The following FRAS1 variants were observed in gnomAD, a reference collection of about 807,000 sequenced individuals.
The protein encoded by FRAS1 is Fraser extracellular matrix complex subunit 1.
In FRAS1, 290 loss-of-function variants were observed where a neutral mutation model predicts 435.2. The observed-to-expected ratio is 0.67, with a 90% CI of 0.61 to 0.73. The LOEUF (loss-of-function observed/expected upper bound fraction) is 0.73, where lower values mean the gene tolerates loss of function less well. FRAS1 is among the 30% of genes least tolerant of loss of function. The pLI, the probability that FRAS1 is intolerant of heterozygous loss-of-function variation, is 0.00. For missense variants in FRAS1, 4,860 were observed against 5,001.5 expected, an observed-to-expected ratio of 0.97 and a Z score of 0.85; for synonymous variants, 1,800 against 1,851.0, an observed-to-expected ratio of 0.97 and a Z score of 0.71.
At chr4:78,528,093 T>C (rs1250770812) in intron 70 of FRAS1, among the ~76,000 whole-genome samples, 1 of 152,118 alleles carries the variant, frequency 6.6e-6, no homozygotes, top group Non-Finnish European at 1.5e-5. Context: ...CTATTCTCGC[T>C]GTGAAATGAA....
chr4:78,482,631 A>G (rs575052809), intron 58 of FRAS1, 96 bp downstream of exon 58: 2 of 1,305,304 alleles, frequency 1.5e-6, no homozygotes, highest in African/African-American at 1.5e-5. Flanking sequence ...TCACATTTTC[A>G]TTCAAGAAAT....
At chr4:78,465,114 C>T (rs750560535) in intron 49 of FRAS1, among the ~76,000 whole-genome samples, 1 of 152,186 alleles carries the variant, frequency 6.6e-6, no homozygotes, top group Admixed American at 6.5e-5. Context: ...TCTGACATGA[C>T]TTAGCTCACA....
chr4:78,462,488 A>T (rs1719400955), intron 47 of FRAS1, among the ~76,000 whole-genome samples: 1 of 152,188 alleles, frequency 6.6e-6, no homozygotes, highest in African/African-American at 2.4e-5. Context: ...AATCAATCTC[A>T]AGAGGAAGGC....
chr4:78,484,375 C>T (rs545782241), intron 58 of FRAS1, among the ~76,000 whole-genome samples: 2 of 152,236 alleles, frequency 1.3e-5, no homozygotes, highest in East Asian at 3.9e-4. Context: ...AGATTCTGGA[C>T]AGAGATTTAT....
At chr4:78,274,558 T>C (rs1726895844) in intron 9 of FRAS1, among the ~76,000 whole-genome samples, 1 of 152,236 alleles carries the variant, frequency 6.6e-6, no homozygotes, top group Non-Finnish European at 1.5e-5. Context: ...ATTTCTGCCT[T>C]CATTTTGTTA....
chr4:78,123,215 A>G (rs1357972427), intron 2 of FRAS1, among the ~76,000 whole-genome samples: 1 of 152,158 alleles, frequency 6.6e-6, no homozygotes, highest in Non-Finnish European at 1.5e-5. Context: ...TTTTCCCAGC[A>G]CCATGTATTA....
At chr4:78,530,611 C>T (rs191479208) in intron 70 of FRAS1, among the ~76,000 whole-genome samples, 1 of 152,166 alleles carries the variant, frequency 6.6e-6, no homozygotes, top group Admixed American at 6.5e-5. Flanking sequence ...GACTCCATTG[C>T]TTGTTTTTAT....
At chr4:78,523,167 G>T (rs1025833460) in intron 69 of FRAS1, among the ~76,000 whole-genome samples, 1 of 152,152 alleles carries the variant, frequency 6.6e-6, no homozygotes, top group East Asian at 1.9e-4. Flanking sequence ...ATCAACTTCT[G>T]ATATATAAAT....
At chr4:78,190,675 A>G (rs1313315953) in intron 2 of FRAS1, among the ~76,000 whole-genome samples, 1 of 150,278 alleles carries the variant, frequency 6.7e-6, no homozygotes, top group South Asian at 2.1e-4. Flanking sequence ...ATAGCACAAG[A>G]TAGTACCTGA....
At chr4:78,526,470 A>G (rs1023620056) in intron 69 of FRAS1, 71 bp from the exon 70 acceptor site, 1 of 960,256 alleles carries the variant, frequency 1.0e-6, no homozygotes, top group Non-Finnish European at 1.6e-6. Context: ...AGTGAAGGCC[A>G]TGTCTTTCTG....
intron 2 of FRAS1, among the ~76,000 whole-genome samples, chr4:78,089,476 AT>A: frequency 6.6e-6 from 1 of 152,208 alleles, no homozygotes; most frequent in South Asian, 2.1e-4. Context: ...AATGTCACAG[AT>A]TGGCAGAACC....
At chr4:78,073,160 G>T (rs1159046711) in intron 2 of FRAS1, among the ~76,000 whole-genome samples, 1 of 152,078 alleles carries the variant, frequency 6.6e-6, no homozygotes, top group Non-Finnish European at 1.5e-5. Flanking sequence ...TCCTTGCTGG[G>T]TTTTTATAAA....
At chr4:78,192,956 G>T (rs1722616752) in intron 2 of FRAS1, among the ~76,000 whole-genome samples, 1 of 152,190 alleles carries the variant, frequency 6.6e-6, no homozygotes, top group South Asian at 2.1e-4. Context: ...GTGTCCCAGA[G>T]ATTCTGGTAT....
chr4:78,079,840 T>C (rs1172920277), intron 2 of FRAS1, among the ~76,000 whole-genome samples: 1 of 152,060 alleles, frequency 6.6e-6, no homozygotes, highest in Non-Finnish European at 1.5e-5. Flanking sequence ...AACCTTATGA[T>C]TTACTACACA....
intron 67 of FRAS1, among the ~76,000 whole-genome samples, chr4:78,521,132 G>C (rs566232839): frequency 6.6e-6 from 1 of 152,182 alleles, no homozygotes; most frequent in Non-Finnish European, 1.5e-5. Context: ...TTATACCTCT[G>C]TTAAGTCCGG....
intron 2 of FRAS1, among the ~76,000 whole-genome samples, chr4:78,083,029 T>C (rs1740965742): frequency 6.6e-6 from 1 of 152,154 alleles, no homozygotes; most frequent in African/African-American, 2.4e-5. Flanking sequence ...AGAAGCAAGA[T>C]AGCAAAAGGG....
intron 2 of FRAS1, among the ~76,000 whole-genome samples, chr4:78,098,040 G>A (rs150781243): frequency 1.3e-5 from 2 of 152,086 alleles, no homozygotes; most frequent in East Asian, 1.9e-4. Flanking sequence ...ATAAATTTCT[G>A]TTTAAGCCAC....
chr4:78,237,034 A>T (rs2110114321), intron 2 of FRAS1, among the ~76,000 whole-genome samples: 1 of 151,972 alleles, frequency 6.6e-6, no homozygotes, highest in East Asian at 1.9e-4. Flanking sequence ...CTTGTTTCTG[A>T]TGAATGTTAG....
chr4:78,515,653 C>A, intron 65 of FRAS1, 146 bp from the exon 66 acceptor site: 1 of 677,338 alleles, frequency 1.5e-6, no homozygotes, highest in South Asian at 1.9e-5. Context: ...ATTCTCCCTG[C>A]ACATTGGGAG....
Sources: gnomAD v4.1 joint callset for allele counts (sites outside exome capture counted in the v4.1 genomes callset) on GRCh38, gnomAD v4.1.1 for gene constraint, MANE v1.5 for transcripts, NCBI Gene and HGNC (gene_info 2026-07-23, HGNC 2026-07-21) for gene names.